Variants in CDH18 observed in about 807,000 individuals in gnomAD.
CDH18 encodes cadherin-18.
A neutral mutation model predicts 67.9 loss-of-function variants in CDH18; 31 were observed. That is an observed-to-expected ratio of 0.46 (90% CI 0.34 to 0.62). The LOEUF (loss-of-function observed/expected upper bound fraction) is 0.62, where lower values mean the gene tolerates loss of function less well. CDH18 is among the 20% of genes least tolerant of loss of function. The probability of loss-of-function intolerance (pLI) is 0.01; values close to 1 mark genes in which losing one functional copy is unlikely to be tolerated. For missense variants in CDH18, 890 were observed against 975.5 expected (o/e 0.91, Z 1.17); for synonymous variants, 362 against 347.2 (o/e 1.04, Z -0.48).
At chr5:19,629,639 G>A (rs964361719) in intron 5 of CDH18, among the ~76,000 whole-genome samples, 3 of 152,020 alleles carry the variant, frequency 2.0e-5, no homozygotes, top group African/African-American at 7.2e-5. Flanking sequence ...ATCAAAGACT[G>A]GATATTTCGA....
rs1562014136 is a variant in CDH18, at chr5:20,376,090, A to ATTTTTTTTTTTTTTTTTT, written c.-579-120586_-579-120585insAAAAAAAAAAAAAAAAAA. Among the ~76,000 whole-genome samples the ATTTTTTTTTTTTTTTTTT allele has an allele frequency of 1.8e-4, 3 of 16,900 alleles. No homozygotes were observed. The East Asian group carries it at 5.2e-3, about 29-fold the overall frequency. The allele number at this position is 16,900 out of a possible 152,430, so 11.1% of individuals were successfully genotyped here. A position where few individuals can be genotyped will look rare whatever the true frequency, so the allele number is the denominator to read the frequency against. On this transcript the variant is annotated intron_variant, in intron 1 of 14. Transcript: ENST00000507958. ...AACAGTAAGCAATTTAAAAAGAAAC[A>ATTTTTTTTTTTTTTTTTT]ATTTTTTTTTTTTTTTTTTTTGAGA...
At chr5:20,315,689 G>A (rs1737399761) in intron 1 of CDH18, among the ~76,000 whole-genome samples, 1 of 152,058 alleles carries the variant, frequency 6.6e-6, no homozygotes, top group East Asian at 1.9e-4. Flanking sequence ...AGTTCACTGT[G>A]CTTCTAACAC....
chr5:20,377,272 G>A (rs1040348146), intron 1 of CDH18, among the ~76,000 whole-genome samples: 1 of 152,156 alleles, frequency 6.6e-6, no homozygotes, highest in African/African-American at 2.4e-5. Context: ...ATTCATGTAT[G>A]TAAACCTGCA....
chr5:20,546,550 G>A (rs865836658), intron 1 of CDH18, among the ~76,000 whole-genome samples: 9 of 152,142 alleles, frequency 5.9e-5, no homozygotes, highest in South Asian at 4.1e-4. Flanking sequence ...GCAAGAGAGA[G>A]TGAGAGAAGG....
intron 1 of CDH18, among the ~76,000 whole-genome samples, chr5:20,284,981 A>ATATTT (rs1020303800): frequency 2.6e-5 from 4 of 151,782 alleles, no homozygotes; most frequent in African/African-American, 9.7e-5. Flanking sequence ...AAGAATTGAT[A>ATATTT]TATTTTATTT....
intron 1 of CDH18, among the ~76,000 whole-genome samples, chr5:20,348,145 A>C (rs2150053119): frequency 6.6e-6 from 1 of 152,332 alleles, no homozygotes; most frequent in Non-Finnish European, 1.5e-5. Context: ...TCTTCTAGTA[A>C]ATTTGTGGCT....
chr5:19,928,677 C>T (rs1793357533), intron 2 of CDH18, among the ~76,000 whole-genome samples: 1 of 152,020 alleles, frequency 6.6e-6, no homozygotes, highest in Non-Finnish European at 1.5e-5. Flanking sequence ...GATCAGAACA[C>T]TGGGAGGATT....
intron 1 of CDH18, among the ~76,000 whole-genome samples, chr5:20,497,893 C>T (rs548040251): frequency 1.6e-4 from 25 of 152,118 alleles, no homozygotes; most frequent in African/African-American, 5.5e-4. Flanking sequence ...GTGAGGACTT[C>T]GTGAGGTAAT....
chr5:20,474,955 T>C (rs1425722328), intron 1 of CDH18, among the ~76,000 whole-genome samples: 2 of 152,246 alleles, frequency 1.3e-5, no homozygotes, highest in East Asian at 3.8e-4. Flanking sequence ...CACATTACTT[T>C]AAATAGCATA....
chr5:20,458,347 G>A (rs1466910135), intron 1 of CDH18, among the ~76,000 whole-genome samples: 1 of 152,174 alleles, frequency 6.6e-6, no homozygotes, highest in Non-Finnish European at 1.5e-5. Flanking sequence ...GCCAGGTGCG[G>A]TGGCTCATTC....
chr5:19,674,774 A>C (rs940454779), intron 5 of CDH18, among the ~76,000 whole-genome samples: 1 of 152,162 alleles, frequency 6.6e-6, no homozygotes, highest in Admixed American at 6.6e-5. Context: ...AAAAACTTAA[A>C]TTTGGAAGGA....
intron 2 of CDH18, among the ~76,000 whole-genome samples, chr5:20,032,622 T>C (rs568829877): frequency 5.2e-4 from 79 of 152,136 alleles, no homozygotes; most frequent in African/African-American, 1.8e-3. Context: ...ATCTGTATCA[T>C]TTATAGTTAT....
intron 1 of CDH18, among the ~76,000 whole-genome samples, chr5:20,494,924 A>T (rs1262554999): frequency 6.6e-6 from 1 of 152,140 alleles, no homozygotes; most frequent in Non-Finnish European, 1.5e-5. Context: ...GCATTCGGGG[A>T]TAGAATGAGG....
At chr5:20,520,675 G>C (rs1392555302) in intron 1 of CDH18, among the ~76,000 whole-genome samples, 1 of 152,192 alleles carries the variant, frequency 6.6e-6, no homozygotes, top group East Asian at 1.9e-4. Flanking sequence ...GATATGAAGA[G>C]AGATGAGCAA....
intron 5 of CDH18, among the ~76,000 whole-genome samples, chr5:19,667,434 A>G (rs1376876512): frequency 6.7e-6 from 1 of 150,352 alleles, no homozygotes; most frequent in Non-Finnish European, 1.5e-5. Context: ...AACATATTTA[A>G]GCAATTTAAA....
At chr5:19,582,423 T>C (rs1163272746) in intron 7 of CDH18, among the ~76,000 whole-genome samples, 1 of 152,130 alleles carries the variant, frequency 6.6e-6, no homozygotes, top group East Asian at 1.9e-4. Context: ...AAACGATTTA[T>C]TACTCCAGGC....
chr5:20,154,781 A>G (rs1223953474), intron 2 of CDH18, among the ~76,000 whole-genome samples: 2 of 152,186 alleles, frequency 1.3e-5, no homozygotes, highest in African/African-American at 2.4e-5. Context: ...TTCTCGCACC[A>G]AAGTCCTAAC....
chr5:19,987,402 CATAA>C (rs1268225919), intron 1 of CDH18, among the ~76,000 whole-genome samples: 19 of 151,970 alleles, frequency 1.3e-4, no homozygotes, highest in African/African-American at 4.4e-4. Flanking sequence ...AGTTAACAAA[CATAA>C]ATAAAGTGTG....
intron 1 of CDH18, among the ~76,000 whole-genome samples, chr5:20,527,199 AC>A (rs1756124396): frequency 6.6e-6 from 1 of 152,016 alleles, no homozygotes; most frequent in Non-Finnish European, 1.5e-5. Context: ...AGGCAGGCAG[AC>A]AAGACTAGAG....
Sources: allele counts gnomAD v4.1 joint callset (sites outside exome capture counted in the v4.1 genomes callset), GRCh38; gene constraint gnomAD v4.1.1; transcripts MANE v1.5; gene names NCBI Gene and HGNC (gene_info 2026-07-23, HGNC 2026-07-21).